Variants in CEP192 observed in about 807,000 individuals in gnomAD.
CEP192 encodes centrosomal protein of 192 kDa.
A neutral mutation model predicts 271.8 loss-of-function variants in CEP192; 151 were observed. The observed-to-expected ratio is 0.56, with a 90% CI of 0.49 to 0.64. The LOEUF is 0.64. Ranked by LOEUF, CEP192 falls within the 30% of genes least tolerant of loss-of-function variation. The pLI, the probability that CEP192 is intolerant of heterozygous loss-of-function variation, is 0.00. For synonymous variants in CEP192, 995 were observed against 1,076.5 expected (o/e 0.92, Z 1.48); for missense variants, 2,910 against 3,020.5 (o/e 0.96, Z 0.86).
At chr18:13,036,770 C>T (rs2035940193) in intron 11 of CEP192, among the ~76,000 whole-genome samples, 2 of 152,226 alleles carry the variant, frequency 1.3e-5, no homozygotes, top group Admixed American at 1.3e-4. Context: ...TGAGGGCAGA[C>T]ATTAGGGGAC....
At chr18:13,115,435 TG>T (rs1258640113) in intron 42 of CEP192, among the ~76,000 whole-genome samples, 1 of 151,580 alleles carries the variant, frequency 6.6e-6, no homozygotes, top group African/African-American at 2.4e-5. Context: ...AGGGGAGTGG[TG>T]GGGGGCAAGG....
intron 40 of CEP192, 103 bp downstream of exon 40, chr18:13,105,182 T>A: frequency 2.5e-6 from 2 of 795,538 alleles, no homozygotes; most frequent in South Asian, 2.9e-5. Context: ...GCAGTGCTAC[T>A]CACAGAGCCA....
At chr18:13,057,516 A>G in intron 19 of CEP192, 69 bp from the exon 20 acceptor site, 1 of 1,548,806 alleles carries the variant, frequency 6.5e-7, no homozygotes, top group East Asian at 2.3e-5. Flanking sequence ...ATTGCCATTT[A>G]ACAGATTTGG....
intron 3 of CEP192, among the ~76,000 whole-genome samples, chr18:13,007,347 C>T (rs9957933): frequency 1.3e-5 from 2 of 151,924 alleles, no homozygotes; most frequent in African/African-American, 4.8e-5. Context: ...GGATAGCTGT[C>T]GTTTTGAGGA....
intron 10 of CEP192, 103 bp downstream of exon 10, chr18:13,030,105 AT>A: frequency 1.0e-6 from 1 of 997,970 alleles, no homozygotes; most frequent in Non-Finnish European, 1.4e-6. Context: ...CTGTTGAAAT[AT>A]TTTAGTGTTT....
intron 11 of CEP192, among the ~76,000 whole-genome samples, chr18:13,034,222 T>C (rs1003984737): frequency 6.6e-6 from 1 of 151,974 alleles, no homozygotes; most frequent in Non-Finnish European, 1.5e-5. Context: ...ATGACTAGCA[T>C]GGGTGGGGAG....
intron 40 of CEP192, among the ~76,000 whole-genome samples, chr18:13,105,731 T>G (rs1278453126): frequency 6.6e-6 from 1 of 152,214 alleles, no homozygotes; most frequent in East Asian, 1.9e-4. Flanking sequence ...TTTCAGAGGG[T>G]TTCTCACTTT....
chr18:13,103,452 A>G, intron 38 of CEP192, 57 bp from the exon 39 acceptor site: 1 of 1,390,224 alleles, frequency 7.2e-7, no homozygotes. Context: ...TGTCACAGTC[A>G]TCTGCTTGTT....
chr18:13,017,867 C>T (rs2143129903), intron 7 of CEP192, among the ~76,000 whole-genome samples: 1 of 152,092 alleles, frequency 6.6e-6, no homozygotes, highest in East Asian at 1.9e-4. Flanking sequence ...ATTAACCTTG[C>T]CTTTGGTTGT....
At chr18:13,024,568 T>G (rs529133626) in intron 9 of CEP192, among the ~76,000 whole-genome samples, 2 of 152,206 alleles carry the variant, frequency 1.3e-5, no homozygotes, top group African/African-American at 4.8e-5. Context: ...GTTCAATTGA[T>G]TCTCCTGCCT....
intron 4 of CEP192, among the ~76,000 whole-genome samples, chr18:13,009,853 A>C (rs1233864457): frequency 6.6e-6 from 1 of 152,052 alleles, no homozygotes; most frequent in Non-Finnish European, 1.5e-5. Context: ...ATTGCTCTCA[A>C]ATTAGATGTG....
intron 9 of CEP192, among the ~76,000 whole-genome samples, chr18:13,028,447 G>C (rs2035428434): frequency 6.6e-6 from 1 of 152,126 alleles, no homozygotes; most frequent in Admixed American, 6.5e-5. Flanking sequence ...ACAATCATCT[G>C]TATTTTTTCC....
chr18:13,047,980 T>G (rs2036572155), intron 15 of CEP192, among the ~76,000 whole-genome samples: 2 of 152,220 alleles, frequency 1.3e-5, no homozygotes, highest in South Asian at 2.1e-4. Context: ...AACCTGGTAC[T>G]ATATAATTAA....
At position 13,030,607 on chromosome 18, in the gene CEP192, T is replaced by G. The variant is rs1225592569; in HGVS notation, c.1533T>G (p.Gly511=). ...AGATGAATGAAGACTTCAGATCTGG[T>G]TGTAAGTATATGGATAAACATTTAT... ...SDEMNEDFRS[G]SEAFDLIAQD... The change falls in exon 11 of 45, where the codon GGT becomes GGG. Residue 511 remains glycine (G), a splice_region_variant and synonymous_variant. Transcript: ENST00000506447. 1.2e-6 allele frequency: 2 copies of G among 1,600,358 alleles called. No individual in the cohort carries two copies. The highest frequency in any genetic ancestry group is 1.7e-6 in the Non-Finnish European group (2 of 1,169,072).
intron 30 of CEP192, among the ~76,000 whole-genome samples, chr18:13,075,398 T>C (rs1237759328): frequency 6.6e-6 from 1 of 152,112 alleles, no homozygotes; most frequent in African/African-American, 2.4e-5. Context: ...AAACCCCATC[T>C]CTACTAAACA....
intron 1 of CEP192, 81 bp downstream of exon 1, chr18:12,991,518 G>C (rs765496676): frequency 2.6e-4 from 39 of 152,320 alleles, no homozygotes; most frequent in African/African-American, 9.4e-4. Flanking sequence ...TTCGGCTGCC[G>C]GACCGACGGG....
At chr18:13,006,404 A>G (rs60369117) in intron 3 of CEP192, among the ~76,000 whole-genome samples, 20,343 of 151,986 alleles carry the variant, frequency 0.13, 2,091 homozygotes, top group African/African-American at 0.28. Context: ...GTATTCATGG[A>G]TGTGAAACCC....
chr18:13,029,876 AATGTGG>A lies in CEP192; in HGVS notation c.1269_1274del (p.Asp424_Val425del). The A allele has an allele frequency of 1.9e-6, 3 of 1,551,712 alleles. No homozygotes were observed. In the South Asian group the frequency reaches 3.6e-5, roughly 18 times the overall value. On this transcript the variant is annotated inframe_deletion, in exon 10 of 45. Coordinates refer to ENST00000506447, the MANE Select transcript of CEP192 (RefSeq NM_032142.4). Reference sequence around the variant, plus strand: ...GACTCCTACGGTGTCCATTCAAGAAAATGTGGATGTAGCCTCTTTGAAGCCCATTAG... The same window carrying A: ...GACTCCTACGGTGTCCATTCAAGAAAATGTAGCCTCTTTGAAGCCCATTAG...
chr18:13,035,169 G>A (rs999081636), intron 11 of CEP192, among the ~76,000 whole-genome samples: 2 of 152,168 alleles, frequency 1.3e-5, no homozygotes, highest in African/African-American at 2.4e-5. Flanking sequence ...AAAGCATTTA[G>A]GAATATAATA....
Sources: gnomAD v4.1 joint callset for allele counts (sites outside exome capture counted in the v4.1 genomes callset) on GRCh38, gnomAD v4.1.1 for gene constraint, MANE v1.5 for transcripts, NCBI Gene and HGNC (gene_info 2026-07-23, HGNC 2026-07-21) for gene names.